FBXO7: variants seen among roughly 807,000 people sequenced by gnomAD.
The protein encoded by FBXO7 is F-box protein 7, also known as F-box only protein 7.
In FBXO7, 31 loss-of-function variants were observed where a neutral mutation model predicts 50.2. The observed-to-expected ratio is 0.62, with a 90% CI of 0.46 to 0.83. The LOEUF (loss-of-function observed/expected upper bound fraction) is 0.83, where lower values mean the gene tolerates loss of function less well. Ranked by LOEUF, FBXO7 falls within the 40% of genes least tolerant of loss-of-function variation. FBXO7 has a pLI of 0.00. For synonymous variants in FBXO7, 256 were observed against 253.1 expected (o/e 1.01, Z -0.11); for missense variants, 667 against 646.6 (o/e 1.03, Z -0.34).
chr22:32,496,738 C>T (rs1490250603), intron 8 of FBXO7, among the ~76,000 whole-genome samples: 1 of 152,218 alleles, frequency 6.6e-6, no homozygotes, highest in Non-Finnish European at 1.5e-5. Flanking sequence ...TGTCAGCAAA[C>T]AACTGCATTC....
At chr22:32,485,635 C>T (rs1229956955) in intron 4 of FBXO7, among the ~76,000 whole-genome samples, 1 of 152,106 alleles carries the variant, frequency 6.6e-6, no homozygotes, top group Non-Finnish European at 1.5e-5. Context: ...GACCTGGGGT[C>T]ACCATTTATC....
chr22:32,493,430 G>A, intron 7 of FBXO7, 149 bp downstream of exon 7: 1 of 711,662 alleles, frequency 1.4e-6, no homozygotes, highest in African/African-American at 1.8e-5. Context: ...TCATATACCT[G>A]TGCCTGTGTC....
At chr22:32,477,347 CCT>C (rs1407096736) in intron 1 of FBXO7, among the ~76,000 whole-genome samples, 4 of 152,146 alleles carry the variant, frequency 2.6e-5, no homozygotes, top group African/African-American at 7.2e-5. Flanking sequence ...CTTTTGTTAA[CCT>C]CTCAAAAAAG....
chr22:32,498,008 G>A lies in FBXO7; in HGVS notation c.1183-136G>A, dbSNP rs968880438. 20 of 951,720 alleles carry A rather than the reference G, an allele frequency of 2.1e-5. No individual in the cohort carries two copies. In the African/African-American group the frequency reaches 3.1e-4, roughly 15 times the overall value. 59.0% of individuals were successfully genotyped at this position (951,720 alleles called of 1,614,324 possible). ...AAAAATTTGTGTGACTTGGTTTATTGCATTGGTTTGGGACTAAATCCACAA... is the reference window on the plus strand; with the variant it reads ...AAAAATTTGTGTGACTTGGTTTATTACATTGGTTTGGGACTAAATCCACAA... On this transcript the variant is annotated intron_variant, in intron 8 of 8. Coordinates refer to ENST00000266087, the MANE Select transcript of FBXO7 (RefSeq NM_012179.4).
At position 32,475,353 on chromosome 22, in the gene FBXO7, C is replaced by T. The variant is rs766164590; in HGVS notation, c.122+229C>T. ...CGGGTGGTCGGCTGGGGTCCGGCTC[C>T]TGGAGAACATGGCCCGGCCTCCCGG... On this transcript the variant is annotated intron_variant, in intron 1 of 8. Transcript: ENST00000266087. 6 of 1,609,130 alleles carry T rather than the reference C, an allele frequency of 3.7e-6. No individual in the cohort carries two copies. The South Asian group carries it at 4.4e-5, about 12-fold the overall frequency.
intron 8 of FBXO7, among the ~76,000 whole-genome samples, chr22:32,495,958 A>G (rs1439780028): frequency 6.6e-6 from 1 of 152,252 alleles, no homozygotes; most frequent in East Asian, 1.9e-4. Flanking sequence ...TATCCAGAAG[A>G]TGTAGCTAAA....
rs946039324 is a variant in FBXO7 at position 32,498,588 on chromosome 22, T to A, written c.*58T>A. ...TGTTTTTGTTTCTAAACTACAGATGTCAACTCCTTGGGGTGCTGATCTCGA... is the reference window on the plus strand; with the variant it reads ...TGTTTTTGTTTCTAAACTACAGATGACAACTCCTTGGGGTGCTGATCTCGA... On this transcript the variant is annotated 3_prime_UTR_variant, in exon 9 of 9. Transcript: ENST00000266087. The A allele has an allele frequency of 2.6e-6, 4 of 1,555,148 alleles. No individual in the cohort carries two copies. The South Asian group carries it at 4.6e-5, about 18-fold the overall frequency.
Position 32,484,019 on chromosome 22 carries a change from A to G in FBXO7, c.540A>G (p.Pro180=), listed in dbSNP as rs41311141. The change falls in exon 3 of 9, where the codon CCA becomes CCG. Residue 180 remains proline (P), a synonymous_variant. Coordinates refer to ENST00000266087, the MANE Select transcript of FBXO7 (RefSeq NM_012179.4). ...LCSESVEGQV[P]HSLETLYQSA... ...GTGAATCGGTGGAAGGGCAAGTGCC[A>G]CATTCATTAGAGACCTTGTATCAAT... 65,684 of 1,614,148 alleles carry G rather than the reference A, an allele frequency of 0.041. 1,625 individuals are homozygous for G. Among genetic ancestry groups the G allele is most frequent in the Non-Finnish European group, 0.047 (54,932 of 1,179,978 alleles).
intron 1 of FBXO7, chr22:32,475,645 T>A: frequency 1.9e-6 from 1 of 512,918 alleles, no homozygotes; most frequent in Non-Finnish European, 3.4e-6. Context: ...ATCGCTGCTG[T>A]GAAGCGGCAA....
At chr22:32,487,631 G>A in intron 4 of FBXO7, 114 bp from the exon 5 acceptor site, 1 of 708,330 alleles carries the variant, frequency 1.4e-6, no homozygotes, top group East Asian at 2.7e-5. Flanking sequence ...AGTTTGTTTT[G>A]TATAATGTGT....
chr22:32,495,175 G>A (rs977894825), intron 7 of FBXO7, among the ~76,000 whole-genome samples: 3 of 152,162 alleles, frequency 2.0e-5, no homozygotes, highest in African/African-American at 7.2e-5. Flanking sequence ...GAGATTAGGG[G>A]GAGAAGAGGT....
chr22:32,485,021 G>C, intron 3 of FBXO7, 47 bp from the exon 4 acceptor site: 1 of 1,613,336 alleles, frequency 6.2e-7, no homozygotes, highest in Non-Finnish European at 8.5e-7. Flanking sequence ...CTTTTTGAGA[G>C]TAACACCTTT....
Position 32,485,140 on chromosome 22 carries a change from C to T in FBXO7, c.718C>T (p.His240Tyr), listed in dbSNP as rs758984572. 1 of 1,614,188 alleles carries T rather than the reference C, an allele frequency of 6.2e-7. No homozygotes were observed. Among genetic ancestry groups the T allele is most frequent in the South Asian group, 1.1e-5 (1 of 91,086 alleles). The change falls in exon 4 of 9, where the codon CAT (histidine) becomes TAT (tyrosine). Residue 240 changes from histidine (H) to tyrosine (Y), a missense_variant. Transcript: ENST00000266087. ...LSGVYKLQYM[H>Y]PLCEGSSATL... Reference sequence around the variant, plus strand: ...CGGGGTGTATAAGCTGCAGTACATGCATCCTCTCTGCGAGGGCAGCTCCGC... The same window carrying T: ...CGGGGTGTATAAGCTGCAGTACATGTATCCTCTCTGCGAGGGCAGCTCCGC...
chr22:32,483,804 T>C, intron 2 of FBXO7, 93 bp from the exon 3 acceptor site: 2 of 1,130,588 alleles, frequency 1.8e-6, no homozygotes, highest in Non-Finnish European at 2.6e-6. Flanking sequence ...TGATGTACTT[T>C]GACTTTCAGC....
intron 4 of FBXO7, 183 bp from the exon 5 acceptor site, chr22:32,487,562 A>T (rs369889280): frequency 3.5e-6 from 2 of 563,496 alleles, no homozygotes; most frequent in Non-Finnish European, 6.5e-6. Context: ...ATTTTACTTC[A>T]TGTGATGCCA....
chr22:32,492,276 CTA>C (rs1031575538), intron 6 of FBXO7: 2 of 152,186 alleles, frequency 1.3e-5, no homozygotes, highest in Admixed American at 6.5e-5. Context: ...GGTGGCATGT[CTA>C]TTATTACAGT....
intron 7 of FBXO7, 101 bp downstream of exon 7, chr22:32,493,382 AT>A: frequency 1.1e-6 from 1 of 914,602 alleles, no homozygotes; most frequent in Non-Finnish European, 1.8e-6. Context: ...GTTGCAAATG[AT>A]TACAATAAAT....
In FBXO7 at chr22:32,474,884, C is replaced by G; in HGVS notation, c.-119C>G. On this transcript the variant is annotated 5_prime_UTR_variant, in exon 1 of 9. Transcript: ENST00000266087. The stretch of plus-strand genomic sequence containing the variant: ...TTTCCCCGTTTCGCCTCAGCTACCC[C>G]TCAGCTCCGGTAGTCGCCAGTCCGG... 1 of 1,037,136 alleles carries G rather than the reference C, an allele frequency of 9.6e-7. No individual in the cohort carries two copies. Among genetic ancestry groups the G allele is most frequent in the Non-Finnish European group, 1.4e-6 (1 of 740,674 alleles). 64.2% of individuals were successfully genotyped at this position (1,037,136 alleles called of 1,614,324 possible).
In FBXO7 at chr22:32,475,119, G is replaced by T; in HGVS notation, c.117G>T (p.Gly39=). The T allele has an allele frequency of 1.9e-6, 3 of 1,539,356 alleles. No individual in the cohort carries two copies. Among genetic ancestry groups the T allele is most frequent in the Non-Finnish European group, 2.6e-6 (3 of 1,142,434 alleles). The stretch of plus-strand genomic sequence containing the variant: ...GGCAGTCCCTGCTGTGCACCTGGGG[G>T]TACAGGTACGCTGGGGCCGGGGCTG... The part of the protein sequence containing the change: ...HLRQSLLCTW[G]YSSNTRFTIT... The change falls in exon 1 of 9, where the codon GGG becomes GGT. Residue 39 remains glycine (G), a synonymous_variant. Coordinates refer to ENST00000266087, the MANE Select transcript of FBXO7 (RefSeq NM_012179.4).
Sources: allele counts gnomAD v4.1 joint callset (sites outside exome capture counted in the v4.1 genomes callset), GRCh38; gene constraint gnomAD v4.1.1; transcripts MANE v1.5; gene names NCBI Gene and HGNC (gene_info 2026-07-23, HGNC 2026-07-21).